LIMS2: variants seen among roughly 807,000 people sequenced by gnomAD.
LIMS2 encodes LIM zinc finger domain containing 2, also known as LIM and senescent cell antigen-like-containing domain protein 2.
In LIMS2, 30 loss-of-function variants were observed where a neutral mutation model predicts 45.3. That is an observed-to-expected ratio of 0.66 (90% CI 0.50 to 0.90). LIMS2 has a LOEUF of 0.90. Ranked by LOEUF, LIMS2 falls within the 40% of genes least tolerant of loss-of-function variation. The pLI is 0.00. For synonymous variants in LIMS2, 173 were observed against 188.0 expected, an observed-to-expected ratio of 0.92 and a Z score of 0.65; for missense variants, 485 against 468.7, an observed-to-expected ratio of 1.03 and a Z score of -0.32.
chr2:127,677,111 G>A (rs567902543), upstream of LIMS2, among the ~76,000 whole-genome samples: 321 of 152,356 alleles, frequency 2.1e-3, no homozygotes, highest in Non-Finnish European at 2.9e-3. The surrounding 1 kb of genome is among the most constrained non-coding windows in gnomAD (Gnocchi z 5.0). Context: ...AGCCCTGCTG[G>A]AGATGCAGAG....
intron 4 of LIMS2, chr2:127,651,921 C>T (rs1683841795): frequency 2.9e-6 from 2 of 682,250 alleles, no homozygotes; most frequent in South Asian, 3.9e-5. Context: ...AAAGGAAGAA[C>T]TGACAAAGGG....
chr2:127,675,807 C>A (rs1487939718), upstream of LIMS2, among the ~76,000 whole-genome samples: 2 of 152,228 alleles, frequency 1.3e-5, no homozygotes, highest in African/African-American at 4.8e-5. Flanking sequence ...CACGCAGTCC[C>A]GCCCCCAGGG....
intron 1 of LIMS2, among the ~76,000 whole-genome samples, chr2:127,659,086 TG>T (rs1432305988): frequency 1.3e-5 from 2 of 151,868 alleles, no homozygotes; most frequent in African/African-American, 4.8e-5. Context: ...GGTCTGGGCA[TG>T]GGCTGTGGGC....
intron 4 of LIMS2, chr2:127,650,105 C>T: frequency 6.3e-7 from 1 of 1,578,376 alleles, no homozygotes; most frequent in East Asian, 2.3e-5. Context: ...CTCTGACGTC[C>T]CAGGGTACAG....
chr2:127,681,436 A>C (rs946976251), exon 1 of LIMS2: 12 of 152,470 alleles, frequency 7.9e-5, no homozygotes, highest in Admixed American at 5.9e-4. Flanking sequence ...CACGTGCAAG[A>C]CTGAGCAGCC....
intron 1 of LIMS2, 110 bp from the exon 2 acceptor site, chr2:127,657,672 C>T: frequency 8.3e-7 from 1 of 1,199,378 alleles, no homozygotes; most frequent in Non-Finnish European, 1.2e-6. Flanking sequence ...AGTGAAGACG[C>T]TCTGCAGGAT....
chr2:127,650,589 C>G (rs1357267700), intron 4 of LIMS2: 2 of 673,296 alleles, frequency 3.0e-6, no homozygotes, highest in Non-Finnish European at 5.1e-6. Flanking sequence ...TCAGCAGCCC[C>G]GTGGGCGGTG....
intron 1 of LIMS2, among the ~76,000 whole-genome samples, chr2:127,662,155 C>T (rs1007522728): frequency 3.3e-5 from 5 of 152,170 alleles, no homozygotes; most frequent in African/African-American, 9.7e-5. Flanking sequence ...CCGACGCCCC[C>T]TGTCTGTGTG....
chr2:127,655,221 G>A (rs992800724), intron 2 of LIMS2: 9 of 461,380 alleles, frequency 2.0e-5, no homozygotes, highest in African/African-American at 1.8e-4. Flanking sequence ...AAGCCAGGAG[G>A]GATGAGATCC....
At chr2:127,676,908 C>T (rs895656479), upstream of LIMS2, among the ~76,000 whole-genome samples, 1 of 152,216 alleles carries the variant, frequency 6.6e-6, no homozygotes, top group African/African-American at 2.4e-5. Context: ...GAAAGCATTA[C>T]ACCAGAGGCC....
chr2:127,670,000 A>T (rs1476225723), intron 1 of LIMS2, among the ~76,000 whole-genome samples: 1 of 152,244 alleles, frequency 6.6e-6, no homozygotes, highest in Non-Finnish European at 1.5e-5. Flanking sequence ...GGATGTCGGG[A>T]AATTGGAACC....
intron 2 of LIMS2, among the ~76,000 whole-genome samples, chr2:127,656,826 C>T (rs921425940): frequency 4.6e-5 from 7 of 152,166 alleles, no homozygotes; most frequent in Non-Finnish European, 8.8e-5. Context: ...GCCCGTGGGG[C>T]CAAGCGAGAT....
intron 1 of LIMS2, among the ~76,000 whole-genome samples, chr2:127,663,055 G>C (rs1398101758): frequency 6.6e-6 from 1 of 152,218 alleles, no homozygotes; most frequent in Non-Finnish European, 1.5e-5. Flanking sequence ...AGTCACATGC[G>C]CATGCATGCT....
chr2:127,660,388 C>A (rs754898086), intron 1 of LIMS2, among the ~76,000 whole-genome samples: 3 of 152,186 alleles, frequency 2.0e-5, no homozygotes, highest in Non-Finnish European at 4.4e-5. Flanking sequence ...GCTGCACGTT[C>A]TTTGGGTCTG....
intron 4 of LIMS2, chr2:127,652,006 G>C: frequency 1.8e-6 from 1 of 548,650 alleles, no homozygotes; most frequent in African/African-American, 1.9e-5. Flanking sequence ...CTTCATCTGT[G>C]GCAGGGAGAG....
In LIMS2 at chr2:127,672,436, G is replaced by A. The variant is rs138905178; in HGVS notation, c.11+2578C>T. On this transcript the variant is annotated intron_variant, in intron 1 of 9. Transcript: ENST00000355119. The surrounding 1 kb of genome is among the most constrained non-coding windows in gnomAD (Gnocchi z 4.9). Reference sequence around the variant, plus strand: ...CCCTCCATGCCCAGGTGCCTCCCACGGCTCCCCCTCAGACTTGCCACAGCT... The same window carrying A: ...CCCTCCATGCCCAGGTGCCTCCCACAGCTCCCCCTCAGACTTGCCACAGCT... Among the ~76,000 whole-genome samples the A allele has an allele frequency of 7.9e-5, 12 of 152,002 alleles. No homozygotes were observed. Among genetic ancestry groups the A allele is most frequent in the South Asian group, 2.1e-4 (1 of 4,802 alleles).
intron 1 of LIMS2, among the ~76,000 whole-genome samples, chr2:127,658,489 C>T (rs1045377840): frequency 5.3e-5 from 8 of 152,218 alleles, no homozygotes; most frequent in Non-Finnish European, 8.8e-5. Context: ...TGCCTGTCCC[C>T]AGAGTCAGTG....
chr2:127,649,803 G>A (rs1173460987), intron 4 of LIMS2: 2 of 568,648 alleles, frequency 3.5e-6, no homozygotes, highest in Non-Finnish European at 6.3e-6. Flanking sequence ...ACGTGGGCAA[G>A]CCACGAGGCC....
chr2:127,659,147 G>C (rs750048699), intron 1 of LIMS2, among the ~76,000 whole-genome samples: 3 of 152,184 alleles, frequency 2.0e-5, no homozygotes, highest in African/African-American at 7.2e-5. Flanking sequence ...CTGGAAACTT[G>C]AAAGGGGCAC....
Sources: gnomAD v4.1 joint callset for allele counts (sites outside exome capture counted in the v4.1 genomes callset) on GRCh38, gnomAD v4.1.1 for gene constraint, Gnocchi (gnomAD v3.1) non-coding constraint, MANE v1.5 for transcripts, NCBI Gene and HGNC (gene_info 2026-07-23, HGNC 2026-07-21) for gene names.